The following PLXNA4 variants were observed in gnomAD, a reference collection of about 807,000 sequenced individuals.
The protein encoded by PLXNA4 is plexin A4.
In PLXNA4, 44 loss-of-function variants were observed where a neutral mutation model predicts 191.8. That is an observed-to-expected ratio of 0.23 (90% CI 0.18 to 0.29). The LOEUF (loss-of-function observed/expected upper bound fraction) is 0.29. PLXNA4 is among the 10% of genes least tolerant of loss of function. The pLI, the probability that PLXNA4 is intolerant of heterozygous loss-of-function variation, is 1.00. For missense variants in PLXNA4, 1,800 were observed against 2,488.8 expected (o/e 0.72, Z 5.89); for synonymous variants, 1,082 against 1,009.5 (o/e 1.07, Z -1.36).
intron 2 of PLXNA4, among the ~76,000 whole-genome samples, chr7:132,638,530 T>G (rs1393723630): frequency 6.6e-6 from 1 of 152,086 alleles, no homozygotes; most frequent in African/African-American, 2.4e-5. Flanking sequence ...TGTGTGCCTG[T>G]AATCCCAGCT....
chr7:132,311,900 G>A (rs761018278), intron 3 of PLXNA4, among the ~76,000 whole-genome samples: 1 of 152,132 alleles, frequency 6.6e-6, no homozygotes, highest in Non-Finnish European at 1.5e-5. Context: ...TCCCTGTCTG[G>A]GGATGACATC....
chr7:132,525,794 TC>T (rs1799377911), intron 1 of PLXNA4, among the ~76,000 whole-genome samples: 1 of 151,976 alleles, frequency 6.6e-6, no homozygotes, highest in Non-Finnish European at 1.5e-5. Flanking sequence ...CCTGAAAGGG[TC>T]CCCTATTAAG....
intron 3 of PLXNA4, among the ~76,000 whole-genome samples, chr7:132,426,737 CA>C: frequency 6.6e-6 from 1 of 152,042 alleles, no homozygotes; most frequent in East Asian, 1.9e-4. Flanking sequence ...GAGTGCTCCC[CA>C]GAGGGTGAAA....
At chr7:132,178,839 CATATAT>C (rs142473480) in intron 20 of PLXNA4, among the ~76,000 whole-genome samples, 12 of 79,010 alleles carry the variant, frequency 1.5e-4, no homozygotes, top group South Asian at 6.7e-4. Context: ...TACACATACA[CATATAT>C]ACACACACAC....
chr7:132,252,709 G>C (rs1445995017), intron 4 of PLXNA4, among the ~76,000 whole-genome samples: 1 of 152,174 alleles, frequency 6.6e-6, no homozygotes, highest in African/African-American at 2.4e-5. Context: ...GACCCAGAAA[G>C]TCTTCCTCTT....
intron 3 of PLXNA4, among the ~76,000 whole-genome samples, chr7:132,330,397 A>C (rs1412371078): frequency 6.6e-6 from 1 of 152,208 alleles, no homozygotes; most frequent in African/African-American, 2.4e-5. Context: ...TCCAGTAATC[A>C]CTGAGTAAAA....
At chr7:132,420,545 G>C (rs1347094214) in intron 3 of PLXNA4, among the ~76,000 whole-genome samples, 1 of 152,174 alleles carries the variant, frequency 6.6e-6, no homozygotes, top group African/African-American at 2.4e-5. Context: ...AAAGTTCTTT[G>C]CCTTTAAGCA....
chr7:132,565,764 A>G (rs1296411856), intron 1 of PLXNA4, among the ~76,000 whole-genome samples: 1 of 152,042 alleles, frequency 6.6e-6, no homozygotes, highest in Non-Finnish European at 1.5e-5. Flanking sequence ...TTTTGAAAAA[A>G]GAAAAAAAAA....
intron 3 of PLXNA4, among the ~76,000 whole-genome samples, chr7:132,437,778 A>G (rs954488223): frequency 5.9e-5 from 9 of 152,164 alleles, no homozygotes; most frequent in African/African-American, 1.9e-4. Flanking sequence ...CCACAGCAAC[A>G]TGAGTACACA....
At position 132,387,163 on chromosome 7, in the gene PLXNA4, C is replaced by A. The variant is rs766581688; in HGVS notation, c.1372-88941G>T. On this transcript the variant is annotated intron_variant, in intron 3 of 31. Transcript: ENST00000321063. ...TGCGCTGGTCTAGATCCTTGCCACT[C>A]AATGTGTGGTTCAAGGACCAAGATC... Among the ~76,000 whole-genome samples the A allele has an allele frequency of 3.3e-5, 5 of 152,316 alleles. No individual in the cohort carries two copies. In the South Asian group the frequency reaches 6.2e-4, roughly 19 times the overall value.
intron 16 of PLXNA4, 120 bp from the exon 17 acceptor site, chr7:132,182,310 T>C (rs917808807): frequency 6.8e-7 from 1 of 1,464,184 alleles, no homozygotes; most frequent in Admixed American, 2.2e-5. Context: ...AGGGTAATGT[T>C]CATGGGGACA....
At chr7:132,307,950 C>T (rs546855199) in intron 3 of PLXNA4, among the ~76,000 whole-genome samples, 2 of 152,212 alleles carry the variant, frequency 1.3e-5, no homozygotes, top group East Asian at 3.9e-4. Context: ...TTGGGTCTCC[C>T]ATTACACACA....
chr7:132,501,474 G>C (rs1798249220), intron 2 of PLXNA4, among the ~76,000 whole-genome samples: 1 of 152,108 alleles, frequency 6.6e-6, no homozygotes, highest in South Asian at 2.1e-4. Context: ...CCTGGGTCCC[G>C]CCTCACTCCC....
At chr7:132,455,523 T>C (rs1017209031) in intron 3 of PLXNA4, among the ~76,000 whole-genome samples, 1 of 152,128 alleles carries the variant, frequency 6.6e-6, no homozygotes, top group Non-Finnish European at 1.5e-5. Context: ...CTCACACATA[T>C]GCCTGCATGC....
At chr7:132,322,184 C>CTTTTTTTTTTTTTTTTTTTTTTTTTTTT (rs5887566) in intron 3 of PLXNA4, among the ~76,000 whole-genome samples, 6 of 122,494 alleles carry the variant, frequency 4.9e-5, no homozygotes, top group South Asian at 2.8e-4. Context: ...CCTAAAAGGG[C>CTTTTTTTTTTTTTTTTTTTTTTTTTTTT]TTTTTTTTTT....
chr7:132,177,378 C>T (rs920684188), intron 20 of PLXNA4, among the ~76,000 whole-genome samples: 1 of 152,228 alleles, frequency 6.6e-6, no homozygotes, highest in East Asian at 1.9e-4. Flanking sequence ...GTGAAGTCTT[C>T]AAGGAGACCC....
At chr7:132,375,669 C>T (rs942803082) in intron 3 of PLXNA4, among the ~76,000 whole-genome samples, 2 of 152,028 alleles carry the variant, frequency 1.3e-5, no homozygotes, top group Admixed American at 1.3e-4. Context: ...AAGAGGAGGA[C>T]AGGAAGGACA....
intron 2 of PLXNA4, among the ~76,000 whole-genome samples, chr7:132,494,730 T>C (rs1797939953): frequency 1.3e-5 from 2 of 152,146 alleles, no homozygotes; most frequent in Admixed American, 6.5e-5. Context: ...GCAGTTACGG[T>C]TACTTTACCA....
chr7:132,149,142 G>T (rs185656486), intron 25 of PLXNA4, among the ~76,000 whole-genome samples: 1 of 152,126 alleles, frequency 6.6e-6, no homozygotes, highest in African/African-American at 2.4e-5. Context: ...ACTGGCAGGT[G>T]TGTCACCCTT....
Sources: allele counts gnomAD v4.1 joint callset (sites outside exome capture counted in the v4.1 genomes callset), GRCh38; gene constraint gnomAD v4.1.1; transcripts MANE v1.5; gene names NCBI Gene and HGNC (gene_info 2026-07-23, HGNC 2026-07-21).